Variants in CACNG1 observed in about 807,000 individuals in gnomAD.
CACNG1 encodes voltage-dependent calcium channel gamma-1 subunit.
In CACNG1, 21 loss-of-function variants were observed where a neutral mutation model predicts 22.0. The ratio of observed to expected loss-of-function variants is 0.95; its 90% confidence interval spans 0.68 to 1.37. The LOEUF (loss-of-function observed/expected upper bound fraction) is 1.37, where lower values mean the gene tolerates loss of function less well. Among genes scored for constraint, CACNG1 ranks in the 40% most tolerant of loss-of-function variants. The pLI is 0.00. For synonymous variants in CACNG1, 127 were observed against 129.2 expected (o/e 0.98, Z 0.12); for missense variants, 291 against 308.6 (o/e 0.94, Z 0.43).
At chr17:67,053,309 C>G (rs1284984587) in intron 1 of CACNG1, among the ~76,000 whole-genome samples, 1 of 152,214 alleles carries the variant, frequency 6.6e-6, no homozygotes, top group Admixed American at 6.5e-5. Context: ...AGCAGGGTTC[C>G]CATCCTGGCT....
At chr17:67,050,186 T>C (rs936292835) in intron 1 of CACNG1, among the ~76,000 whole-genome samples, 4 of 152,280 alleles carry the variant, frequency 2.6e-5, no homozygotes, top group Admixed American at 1.3e-4. Context: ...CTGGTCCATC[T>C]TCTCTCAGTG....
rs1284258063 is a variant in CACNG1, at chr17:67,054,507, G to A, written c.304+437G>A. Among the ~76,000 whole-genome samples, 1 of 152,156 alleles carries A rather than the reference G, an allele frequency of 6.6e-6. No individual in the cohort carries two copies. Among genetic ancestry groups the A allele is most frequent in the Non-Finnish European group, 1.5e-5 (1 of 68,036 alleles). On this transcript the variant is annotated intron_variant, in intron 2 of 3. Transcript: ENST00000226021. This position sits in a 1 kb window ranked among gnomAD's most constrained non-coding sequence, Gnocchi z 4.6. ...TGCGGTGGGCTCTGGGAGCTTTTCA[G>A]GATCCGCAGAGCTCAGACGCACACC...
rs151308706 is a variant in CACNG1, at chr17:67,055,218, G to A, written c.420G>A (p.Ala140=). The A allele has an allele frequency of 2.3e-3, 3,735 of 1,614,062 alleles. 35 individuals are homozygous for A. The highest frequency in any genetic ancestry group is 1.6e-3 in the Non-Finnish European group (1,938 of 1,179,966). Residue 140 remains alanine, a synonymous_variant, in exon 3 of 4, where the codon GCG becomes GCA. Transcript: ENST00000226021. This position sits in a 1 kb window ranked among gnomAD's most constrained non-coding sequence, Gnocchi z 4.5. The part of the protein sequence containing the change: ...GKKRDYLLRP[A]SMFYAFAGLC... Reference sequence around the variant, plus strand: ...AGAGGGACTATCTGCTGCGACCCGCGTCCATGTTCTATGCCTTTGCAGGTA... The same window carrying A: ...AGAGGGACTATCTGCTGCGACCCGCATCCATGTTCTATGCCTTTGCAGGTA...
intron 1 of CACNG1, among the ~76,000 whole-genome samples, chr17:67,045,392 A>T (rs867982595): frequency 3.3e-5 from 5 of 152,192 alleles, no homozygotes; most frequent in Admixed American, 6.5e-5. Flanking sequence ...AAGGATTTCA[A>T]GGCAGTGACA....
Position 67,055,350 on chromosome 17 carries a change from G to T in CACNG1, c.442+110G>T. 2 of 1,312,426 alleles carry T rather than the reference G, an allele frequency of 1.5e-6. No homozygotes were observed. Among genetic ancestry groups the T allele is most frequent in the East Asian group, 2.4e-5 (1 of 40,966 alleles). 81.3% of individuals were successfully genotyped at this position (1,312,426 alleles called of 1,614,324 possible). ...GATTTGGGTGAGGGGCATTTCCCAG[G>T]CTCCATCCCCATCCAGGGGCAAACC... On this transcript the variant is annotated intron_variant, in intron 3 of 3. Coordinates refer to ENST00000226021, the MANE Select transcript of CACNG1 (RefSeq NM_000727.4). The surrounding 1 kb of genome is among the most constrained non-coding windows in gnomAD (Gnocchi z 4.5).
chr17:67,047,456 G>A (rs886487862), intron 1 of CACNG1, among the ~76,000 whole-genome samples: 62 of 152,170 alleles, frequency 4.1e-4, no homozygotes, highest in African/African-American at 1.1e-3. Flanking sequence ...CCAACATTCC[G>A]TAATCACAGT....
chr17:67,054,102 CAA>C lies in CACNG1; in HGVS notation c.304+33_304+34del. 1 of 1,552,936 alleles carries C rather than the reference CAA, an allele frequency of 6.4e-7. No homozygotes were observed. The highest frequency in any genetic ancestry group is 8.9e-7 in the Non-Finnish European group (1 of 1,124,304). On this transcript the variant is annotated intron_variant, in intron 2 of 3. Transcript: ENST00000226021. This position sits in a 1 kb window ranked among gnomAD's most constrained non-coding sequence, Gnocchi z 4.6. ...CTGGGTGGAAAGGGGTCTGGGGTGA[CAA>C]GAGGGGACTTCTGTGTTGTGCACCA...
In CACNG1 at chr17:67,053,953, C is replaced by T. The variant is rs140431401; in HGVS notation, c.230-43C>T. On this transcript the variant is annotated intron_variant, in intron 1 of 3. Coordinates refer to ENST00000226021, the MANE Select transcript of CACNG1 (RefSeq NM_000727.4). ...CTCTGCCAGGCCTCTGTCCTTGCTACGGGTTGCTCCCCTCAACTCACAGTC... is the reference window on the plus strand; with the variant it reads ...CTCTGCCAGGCCTCTGTCCTTGCTATGGGTTGCTCCCCTCAACTCACAGTC... 342 of 1,465,138 alleles carry T rather than the reference C, an allele frequency of 2.3e-4. 3 individuals carry two copies. In the African/African-American group the frequency reaches 4.3e-3, roughly 19 times the overall value. The allele number at this position is 1,465,138 out of a possible 1,614,324, so 90.8% of individuals were successfully genotyped here.
intron 1 of CACNG1, among the ~76,000 whole-genome samples, chr17:67,049,249 T>C (rs979483210): frequency 6.6e-6 from 1 of 152,124 alleles, no homozygotes; most frequent in Non-Finnish European, 1.5e-5. Context: ...GGCCAGAAGG[T>C]GGTGGGATGA....
At chr17:67,050,046 A>G (rs1340214893) in intron 1 of CACNG1, among the ~76,000 whole-genome samples, 4 of 152,200 alleles carry the variant, frequency 2.6e-5, no homozygotes, top group African/African-American at 9.6e-5. Context: ...GAAAGTCCAA[A>G]TGAACCCGCA....
intron 1 of CACNG1, among the ~76,000 whole-genome samples, chr17:67,052,774 C>T (rs557263211): frequency 1.9e-4 from 29 of 151,376 alleles, no homozygotes; most frequent in Non-Finnish European, 4.0e-4. Flanking sequence ...AGAAATAAGA[C>T]TGTGCTTTTT....
chr17:67,052,049 G>T (rs1438959025), intron 1 of CACNG1, among the ~76,000 whole-genome samples: 1 of 152,232 alleles, frequency 6.6e-6, no homozygotes, highest in African/African-American at 2.4e-5. Flanking sequence ...TGTCCAGAGG[G>T]AGACACATGG....
At chr17:67,052,474 C>T (rs981606226) in intron 1 of CACNG1, among the ~76,000 whole-genome samples, 8 of 152,104 alleles carry the variant, frequency 5.3e-5, no homozygotes, top group African/African-American at 1.9e-4. Flanking sequence ...AAAGAAAAGC[C>T]TTGGTATCAC....
intron 1 of CACNG1, among the ~76,000 whole-genome samples, chr17:67,053,709 C>T (rs2035741398): frequency 6.6e-6 from 1 of 152,196 alleles, no homozygotes; most frequent in South Asian, 2.1e-4. Context: ...CCTCGGTTAC[C>T]CTGTCTGCCT....
chr17:67,048,929 T>C (rs2035712730), intron 1 of CACNG1, among the ~76,000 whole-genome samples: 1 of 152,120 alleles, frequency 6.6e-6, no homozygotes, highest in South Asian at 2.1e-4. Flanking sequence ...CGGAGACTTA[T>C]GGGACACCAT....
rs909759543 is a variant in CACNG1 at position 67,044,703 on chromosome 17, T to G, written c.43T>G (p.Cys15Gly). ...KMLKVRVTLF[C>G]ILAGIVLAMT... ...GCTGAAGGTCCGCGTGACCCTCTTCTGCATCCTGGCAGGCATCGTGCTGGC... is the reference window on the plus strand; with the variant it reads ...GCTGAAGGTCCGCGTGACCCTCTTCGGCATCCTGGCAGGCATCGTGCTGGC... The change falls in exon 1 of 4, where the codon TGC becomes GGC. Residue 15 changes from cysteine to glycine, a missense_variant. Coordinates refer to ENST00000226021, the MANE Select transcript of CACNG1 (RefSeq NM_000727.4). The surrounding 1 kb of genome is among the most constrained non-coding windows in gnomAD (Gnocchi z 6.9). 1.2e-6 allele frequency: 2 copies of G among 1,611,088 alleles called. No individual in the cohort carries two copies. The highest frequency in any genetic ancestry group is 1.6e-4 in the Middle Eastern group (1 of 6,062).
chr17:67,048,002 G>A (rs748626757), intron 1 of CACNG1, among the ~76,000 whole-genome samples: 12 of 152,124 alleles, frequency 7.9e-5, no homozygotes, highest in Admixed American at 4.6e-4. Context: ...GTTGCCAAGC[G>A]TTTTAGGAAA....
chr17:67,056,018 C>T lies in CACNG1; in HGVS notation c.443-27C>T. ...TGGCTACGGCAGACGCCCCTCGGTC[C>T]CTGAGCATGCCTGGCTCTGCCCCCA... On this transcript the variant is annotated intron_variant, in intron 3 of 3. Coordinates refer to ENST00000226021, the MANE Select transcript of CACNG1 (RefSeq NM_000727.4). The surrounding 1 kb of genome is among the most constrained non-coding windows in gnomAD (Gnocchi z 4.3). 3 of 1,591,616 alleles carry T rather than the reference C, an allele frequency of 1.9e-6. No homozygotes were observed. The highest frequency in any genetic ancestry group is 2.6e-6 in the Non-Finnish European group (3 of 1,167,196).
Position 67,055,995 on chromosome 17 carries a change from G to A in CACNG1, c.443-50G>A. 1 of 1,482,846 alleles carries A rather than the reference G, an allele frequency of 6.7e-7. No individual in the cohort carries two copies. The highest frequency in any genetic ancestry group is 2.3e-5 in the East Asian group (1 of 44,232). 91.9% of individuals were successfully genotyped at this position (1,482,846 alleles called of 1,614,324 possible). A position where few individuals can be genotyped will look rare whatever the true frequency, so the allele number is the denominator to read the frequency against. ...CACACAGGCTGGGATGGGGCTGGTGGCTACGGCAGACGCCCCTCGGTCCCT... is the reference window on the plus strand; with the variant it reads ...CACACAGGCTGGGATGGGGCTGGTGACTACGGCAGACGCCCCTCGGTCCCT... On this transcript the variant is annotated intron_variant, in intron 3 of 3. Coordinates refer to ENST00000226021, the MANE Select transcript of CACNG1 (RefSeq NM_000727.4). This position sits in a 1 kb window ranked among gnomAD's most constrained non-coding sequence, Gnocchi z 4.5.
Sources: gnomAD v4.1 joint callset for allele counts (sites outside exome capture counted in the v4.1 genomes callset) on GRCh38, gnomAD v4.1.1 for gene constraint, Gnocchi (gnomAD v3.1) non-coding constraint, MANE v1.5 for transcripts, NCBI Gene and HGNC (gene_info 2026-07-23, HGNC 2026-07-21) for gene names.